ZNF12: variants seen among roughly 807,000 people sequenced by gnomAD.
ZNF12 encodes gonadotropin inducible transcription repressor 3.
ZNF12 carries 34 observed loss-of-function variants against 66.6 expected under a neutral mutation model. That is an observed-to-expected ratio of 0.51 (90% confidence interval 0.39 to 0.68). The LOEUF (loss-of-function observed/expected upper bound fraction) is 0.68. ZNF12 is among the 30% of genes least tolerant of loss of function. The pLI, the probability that ZNF12 is intolerant of heterozygous loss-of-function variation, is 0.00. For missense variants in ZNF12, 697 were observed against 826.9 expected (o/e 0.84, Z 1.93); for synonymous variants, 320 against 278.9 (o/e 1.15, Z -1.47).
At position 6,689,414 on chromosome 7, in the gene ZNF12, A is replaced by T. The variant is rs1780033014; in HGVS notation, c.*1434T>A. 2.6e-5 allele frequency: 4 copies of T among 152,248 alleles called. No individual in the cohort carries two copies. The South Asian group carries it at 8.3e-4, about 31-fold the overall frequency. The allele number at this position is 152,248 out of a possible 1,614,324, so 9.4% of individuals were successfully genotyped here. ...AAACCTTTTCCAGAAGTAGTCTGTC[A>T]GGTATATCCTTTGTTTTATGTCTAG... On this transcript the variant is annotated 3_prime_UTR_variant, in exon 5 of 5. Transcript: ENST00000405858.
chr7:6,692,222 G>A lies in ZNF12; in HGVS notation c.720C>T (p.Pro240=). 6.2e-7 allele frequency: 1 copy of A among 1,613,974 alleles called. No homozygotes were observed. ...TVFVNHMEEK[P]YKWNGSEIAF... Reference sequence around the variant, plus strand: ...CTATTTCAGATCCATTCCACTTATAGGGCTTTTCTTCCATGTGATTAACAA... The same window carrying A: ...CTATTTCAGATCCATTCCACTTATAAGGCTTTTCTTCCATGTGATTAACAA... Residue 240 remains proline (P), a synonymous_variant, in exon 5 of 5, where the codon CCC becomes CCT. Transcript: ENST00000405858. This position sits in a 1 kb window ranked among gnomAD's most constrained non-coding sequence, Gnocchi z 5.1.
chr7:6,694,934 T>A (rs561615965), intron 4 of ZNF12, among the ~76,000 whole-genome samples: 1 of 152,064 alleles, frequency 6.6e-6, no homozygotes, highest in African/African-American at 2.4e-5. Flanking sequence ...GCTGTTCTCT[T>A]TTTTTTTGAG....
chr7:6,706,193 A>C (rs1583470242), intron 1 of ZNF12, among the ~76,000 whole-genome samples: 1 of 152,218 alleles, frequency 6.6e-6, no homozygotes, highest in East Asian at 1.9e-4. Context: ...TCTGGAGCAG[A>C]GAGAGGAGGA....
At chr7:6,700,563 T>C (rs1331210972) in intron 2 of ZNF12, among the ~76,000 whole-genome samples, 2 of 152,174 alleles carry the variant, frequency 1.3e-5, no homozygotes, top group Non-Finnish European at 2.9e-5. Flanking sequence ...TGAGTGTCAC[T>C]GACTCAATCC....
intron 4 of ZNF12, among the ~76,000 whole-genome samples, chr7:6,695,010 G>C (rs1043169809): frequency 2.0e-5 from 3 of 152,118 alleles, no homozygotes; most frequent in African/African-American, 7.2e-5. Flanking sequence ...TGCAAGCTCT[G>C]CCTCCCAGGT....
At position 6,691,644 on chromosome 7, in the gene ZNF12, C is replaced by A; in HGVS notation, c.1298G>T (p.Gly433Val). Residue 433 changes from glycine to valine, a missense_variant, in exon 5 of 5, where the codon GGA becomes GTA. By Grantham distance (109) the Gly-to-Val change is moderately radical. Coordinates refer to ENST00000405858, the MANE Select transcript of ZNF12 (RefSeq NM_016265.4). The part of the protein sequence containing the change: ...TLTTHLRTHT[G>V]EKPYECNECG... ...CTCATTACATTCATACGGTTTCTCT[C>A]CTGTGTGGGTCCTCAGGTGGGTCGT... 6.2e-7 allele frequency: 1 copy of A among 1,614,004 alleles called. No homozygotes were observed. Among genetic ancestry groups the A allele is most frequent in the Non-Finnish European group, 8.5e-7 (1 of 1,179,906 alleles).
intron 2 of ZNF12, among the ~76,000 whole-genome samples, chr7:6,702,160 C>T (rs1192582519): frequency 6.6e-6 from 1 of 152,018 alleles, no homozygotes; most frequent in Non-Finnish European, 1.5e-5. Flanking sequence ...GATCACCTGT[C>T]CCTGAAGCTT....
intron 2 of ZNF12, among the ~76,000 whole-genome samples, chr7:6,699,064 A>G (rs1047259608): frequency 6.6e-6 from 1 of 152,232 alleles, no homozygotes; most frequent in Non-Finnish European, 1.5e-5. Context: ...AAAACACAGA[A>G]GTTTAAACAA....
chr7:6,705,357 A>G lies in ZNF12; in HGVS notation c.-50-134T>C. On this transcript the variant is annotated intron_variant, in intron 1 of 4. Transcript: ENST00000405858. This position sits in a 1 kb window ranked among gnomAD's most constrained non-coding sequence, Gnocchi z 4.0. ...GAGACTGTCCCTTTAAGCCTTCAGA[A>G]GGGATTGGAAAATGATCAGGAGGGG... 1 of 620,100 alleles carries G rather than the reference A, an allele frequency of 1.6e-6. No homozygotes were observed. The highest frequency in any genetic ancestry group is 2.8e-6 in the Non-Finnish European group (1 of 358,108). The allele number at this position is 620,100 out of a possible 1,614,324, so 38.4% of individuals were successfully genotyped here.
chr7:6,701,256 AAGG>A (rs1780238980), intron 2 of ZNF12, among the ~76,000 whole-genome samples: 1 of 152,174 alleles, frequency 6.6e-6, no homozygotes, highest in African/African-American at 2.4e-5. Context: ...TACCTCCTCC[AAGG>A]AGAACATAAG....
At position 6,692,043 on chromosome 7, in the gene ZNF12, T is replaced by C. The variant is rs752043091; in HGVS notation, c.899A>G (p.Asn300Ser). 1.2e-6 allele frequency: 2 copies of C among 1,613,688 alleles called. No homozygotes were observed. Among genetic ancestry groups the C allele is most frequent in the Admixed American group, 3.3e-5 (2 of 60,006 alleles). Reference protein sequence around the residue: ...THTGEKPYECNQCGKSFCQKG... With the variant: ...THTGEKPYECSQCGKSFCQKG... ...CTGGCAGAAGGATTTCCCACACTGA[T>C]TACATTCGTAAGGTTTCTCTCCTGT... The change falls in exon 5 of 5, where the codon AAT becomes AGT. Residue 300 changes from asparagine (N) to serine (S), a missense_variant. By Grantham distance (46) the Asn-to-Ser change is conservative. Around this residue, in one of 3 missense-constraint regions of ZNF12, gnomAD observed 401 missense variants for 519.0 expected, o/e 0.77. Transcript: ENST00000405858. The surrounding 1 kb of genome is among the most constrained non-coding windows in gnomAD (Gnocchi z 5.1).
intron 2 of ZNF12, among the ~76,000 whole-genome samples, chr7:6,701,746 T>A (rs996222587): frequency 6.6e-5 from 10 of 152,050 alleles, no homozygotes; most frequent in African/African-American, 2.4e-4. Flanking sequence ...CACCTCCAAC[T>A]GTTTGCATCT....
chr7:6,706,284 G>A (rs1780355633), intron 1 of ZNF12, 148 bp downstream of exon 1: 1 of 407,068 alleles, frequency 2.5e-6, no homozygotes, highest in Non-Finnish European at 5.0e-6. Context: ...CGTAAGCCTC[G>A]TCCTCGCCGG....
In ZNF12 at chr7:6,692,535, T is replaced by C; in HGVS notation, c.407A>G (p.Lys136Arg). 6.2e-7 allele frequency: 1 copy of C among 1,613,838 alleles called. No individual in the cohort carries two copies. The highest frequency in any genetic ancestry group is 1.1e-5 in the South Asian group (1 of 91,036). The change falls in exon 5 of 5, where the codon AAA (lysine) becomes AGA (arginine). Residue 136 changes from lysine to arginine, a missense_variant. Lys to Arg is a conservative substitution (Grantham distance 26). Transcript: ENST00000405858. The surrounding 1 kb of genome is among the most constrained non-coding windows in gnomAD (Gnocchi z 5.1). ...TTCACATGAGTCACAGAGGCTATTT[T>C]TATAGGCTATTTTTCTTGAAGGAAC... ...NPVPSRKIAY[K>R]NSLCDSCEKC...
At chr7:6,695,417 C>T (rs956753625) in intron 4 of ZNF12, among the ~76,000 whole-genome samples, 10 of 151,790 alleles carry the variant, frequency 6.6e-5, no homozygotes, top group African/African-American at 2.4e-4. Context: ...GACAGGGTTT[C>T]ACTATGTTAC....
Position 6,697,698 on chromosome 7 carries a change from A to G in ZNF12, c.129T>C (p.Asn43=). The G allele has an allele frequency of 1.9e-6, 3 of 1,614,118 alleles. No individual in the cohort carries two copies. The highest frequency in any genetic ancestry group is 1.1e-5 in the South Asian group (1 of 91,074). Residue 43 remains asparagine, a synonymous_variant, in exon 3 of 5, where the codon AAT becomes AAC. Transcript: ENST00000405858. This position sits in a 1 kb window ranked among gnomAD's most constrained non-coding sequence, Gnocchi z 6.1. ...YRDVMLENYS[N]LVSVGYHIIK... ...AGCTATCCTCACCCACAGAAACTAG[A>G]TTGCTGTAGTTCTCCAGCATCACAT...
rs1413084924 is a variant in ZNF12 at position 6,705,779 on chromosome 7, C to G, written c.-50-556G>C. On this transcript the variant is annotated intron_variant, in intron 1 of 4. Coordinates refer to ENST00000405858, the MANE Select transcript of ZNF12 (RefSeq NM_016265.4). The surrounding 1 kb of genome is among the most constrained non-coding windows in gnomAD (Gnocchi z 4.0). ...AAAAAATGAATTCTGTAATACTCAT[C>G]TATTTTCTTACTCTTTTAAATAAAG... 1.3e-5 allele frequency among the ~76,000 whole-genome samples: 2 copies of G among 152,150 alleles called. No individual in the cohort carries two copies. The highest frequency in any genetic ancestry group is 4.8e-5 in the African/African-American group (2 of 41,432).
chr7:6,698,324 T>G lies in ZNF12; in HGVS notation c.16-513A>C, dbSNP rs1780184271. Among the ~76,000 whole-genome samples, 1 of 152,218 alleles carries G rather than the reference T, an allele frequency of 6.6e-6. No homozygotes were observed. Among genetic ancestry groups the G allele is most frequent in the Admixed American group, 6.5e-5 (1 of 15,282 alleles). On this transcript the variant is annotated intron_variant, in intron 2 of 4. Transcript: ENST00000405858. This position sits in a 1 kb window ranked among gnomAD's most constrained non-coding sequence, Gnocchi z 4.4. ...TTTTCTCTTTGCTGTCTGTACTTGC[T>G]GCTTTGATGGTGAGCCCTCTTCCTG... is the stretch of plus-strand genomic sequence containing the variant.
chr7:6,693,250 C>G (rs778624174), intron 4 of ZNF12, among the ~76,000 whole-genome samples: 1 of 152,178 alleles, frequency 6.6e-6, no homozygotes, highest in Non-Finnish European at 1.5e-5. Context: ...AGACTACATC[C>G]TTCCAAACTA....
Sources: allele counts gnomAD v4.1 joint callset (sites outside exome capture counted in the v4.1 genomes callset), GRCh38; gene constraint gnomAD v4.1.1; regional missense constraint gnomAD v4.1.1; non-coding constraint Gnocchi (gnomAD v3.1); transcripts MANE v1.5; gene names NCBI Gene and HGNC (gene_info 2026-07-23, HGNC 2026-07-21).